The following FAM13B variants were observed in gnomAD, a reference collection of about 807,000 sequenced individuals.
FAM13B encodes protein FAM13B.
In FAM13B, 60 loss-of-function variants were observed where a neutral mutation model predicts 117.3. The ratio of observed to expected loss-of-function variants is 0.51; its 90% CI spans 0.42 to 0.63. The LOEUF is 0.63. Ranked by LOEUF, FAM13B falls within the 30% of genes least tolerant of loss-of-function variation. FAM13B has a pLI of 0.00. For synonymous variants in FAM13B, 332 were observed against 356.1 expected (o/e 0.93, Z 0.76); for missense variants, 972 against 1,091.9 (o/e 0.89, Z 1.55).
At chr5:137,974,624 A>G (rs960398894) in intron 10 of FAM13B, among the ~76,000 whole-genome samples, 2 of 147,054 alleles carry the variant, frequency 1.4e-5, no homozygotes, top group African/African-American at 4.9e-5. Flanking sequence ...ATAAATAAAA[A>G]AAAGAAAAAA....
At chr5:137,962,581 A>C (rs1467694579) in intron 10 of FAM13B, 112 bp from the exon 11 acceptor site, 4 of 829,044 alleles carry the variant, frequency 4.8e-6, no homozygotes, top group Non-Finnish European at 3.9e-6. Context: ...ACCCCTAATT[A>C]GCTATCATTT....
chr5:138,047,066 A>G (rs1156616580), intron 1 of FAM13B, among the ~76,000 whole-genome samples: 1 of 152,150 alleles, frequency 6.6e-6, no homozygotes, highest in Admixed American at 6.6e-5. Flanking sequence ...TTACTCAGAA[A>G]GCAACTCAAG....
intron 6 of FAM13B, among the ~76,000 whole-genome samples, chr5:138,010,670 C>T (rs1384441558): frequency 6.6e-6 from 1 of 152,104 alleles, no homozygotes; most frequent in Non-Finnish European, 1.5e-5. Flanking sequence ...AAATTTCTCA[C>T]CCCTTGCCTA....
At chr5:137,940,823 A>T (rs563086008) in intron 23 of FAM13B, among the ~76,000 whole-genome samples, 1 of 152,238 alleles carries the variant, frequency 6.6e-6, no homozygotes, top group African/African-American at 2.4e-5. Context: ...CTAAAGCATC[A>T]AACTATCCTA....
Position 138,007,411 on chromosome 5 carries a change from A to G in FAM13B, c.691-264T>C, listed in dbSNP as rs116283304. The stretch of plus-strand genomic sequence containing the variant: ...TATTAGTATATTGCAAAATTAGTAT[A>G]TCTAGGAATATAAGTAAGCCTGTAA... On this transcript the variant is annotated intron_variant, in intron 6 of 23. Transcript: ENST00000689681. Among the ~76,000 whole-genome samples the G allele has an allele frequency of 6.8e-4, 103 of 152,354 alleles. 1 individual carries two copies. The highest frequency in any genetic ancestry group is 1.1e-3 in the Non-Finnish European group (75 of 68,030).
chr5:137,988,365 C>G (rs773666867), intron 7 of FAM13B, 50 bp from the exon 8 acceptor site: 18 of 1,453,578 alleles, frequency 1.2e-5, no homozygotes, highest in Non-Finnish European at 1.7e-5. Flanking sequence ...TACTTAATAA[C>G]TACAAAATGT....
intron 10 of FAM13B, among the ~76,000 whole-genome samples, chr5:137,981,731 T>C (rs1175273290): frequency 6.7e-6 from 1 of 149,106 alleles, no homozygotes; most frequent in Non-Finnish European, 1.5e-5. Context: ...GGCTGTACTG[T>C]GCCGAGACTG....
intron 11 of FAM13B, among the ~76,000 whole-genome samples, chr5:137,960,701 G>T (rs1459148303): frequency 2.0e-5 from 3 of 152,054 alleles, no homozygotes; most frequent in Non-Finnish European, 2.9e-5. Context: ...ATCAGAGAAG[G>T]TTACTACTTC....
chr5:137,962,081 T>A (rs746710638), intron 11 of FAM13B, among the ~76,000 whole-genome samples: 6 of 152,220 alleles, frequency 3.9e-5, no homozygotes, highest in Non-Finnish European at 8.8e-5. Flanking sequence ...TACAAGATCA[T>A]GAATTAACTC....
intron 10 of FAM13B, among the ~76,000 whole-genome samples, chr5:137,984,551 T>C (rs984188032): frequency 2.0e-5 from 3 of 152,164 alleles, no homozygotes; most frequent in African/African-American, 2.4e-5. Flanking sequence ...GTCTTAAAAC[T>C]TGTTTTTCTC....
At chr5:138,023,546 T>C (rs1442408045) in intron 1 of FAM13B, among the ~76,000 whole-genome samples, 1 of 152,146 alleles carries the variant, frequency 6.6e-6, no homozygotes, top group Non-Finnish European at 1.5e-5. Context: ...CAATTTATAG[T>C]ATGATAGAAT....
chr5:138,015,427 G>A (rs1380121622), intron 4 of FAM13B, among the ~76,000 whole-genome samples: 1 of 152,202 alleles, frequency 6.6e-6, no homozygotes, highest in Non-Finnish European at 1.5e-5. Flanking sequence ...CTACAGCTGG[G>A]TGCCATGGCT....
intron 7 of FAM13B, among the ~76,000 whole-genome samples, chr5:137,998,968 T>C (rs748394696): frequency 2.0e-5 from 3 of 152,222 alleles, no homozygotes; most frequent in Non-Finnish European, 4.4e-5. Flanking sequence ...CAGAAGAGTA[T>C]GGTACCAGGC....
intron 22 of FAM13B, chr5:137,942,421 G>C: frequency 4.5e-6 from 1 of 224,514 alleles, no homozygotes; most frequent in South Asian, 9.0e-5. Flanking sequence ...CTGGAACAGC[G>C]GTGCGACAGT....
At chr5:137,994,847 GATCA>G (rs1421990869) in intron 7 of FAM13B, among the ~76,000 whole-genome samples, 1 of 152,128 alleles carries the variant, frequency 6.6e-6, no homozygotes, top group Non-Finnish European at 1.5e-5. Context: ...GAGAACATAA[GATCA>G]ATCTTGCAAC....
At chr5:137,942,549 G>A in intron 22 of FAM13B, 1 of 279,502 alleles carries the variant, frequency 3.6e-6, no homozygotes, top group Non-Finnish European at 6.7e-6. Context: ...TTTTTATACA[G>A]TCTGGGTCCC....
chr5:138,010,131 C>A (rs1783607072), intron 6 of FAM13B, among the ~76,000 whole-genome samples: 3 of 152,192 alleles, frequency 2.0e-5, no homozygotes, highest in Admixed American at 6.5e-5. Flanking sequence ...CAGGCACATG[C>A]CCCTATGCCT....
intron 12 of FAM13B, 75 bp downstream of exon 12, chr5:137,960,091 C>T (rs1422311401): frequency 4.5e-6 from 4 of 894,948 alleles, no homozygotes; most frequent in Non-Finnish European, 7.1e-6. Context: ...CCTAGCTAAC[C>T]CACATTAAAG....
intron 10 of FAM13B, among the ~76,000 whole-genome samples, chr5:137,976,486 T>A (rs73299246): frequency 0.014 from 2,074 of 152,232 alleles, 61 homozygotes; most frequent in African/African-American, 0.048. Flanking sequence ...AACCTAAATA[T>A]AAGAACATAT....
Sources: allele counts gnomAD v4.1 joint callset (sites outside exome capture counted in the v4.1 genomes callset), GRCh38; gene constraint gnomAD v4.1.1; transcripts MANE v1.5; gene names NCBI Gene and HGNC (gene_info 2026-07-23, HGNC 2026-07-21).